Variants in NCALD observed in about 807,000 individuals in gnomAD.
NCALD encodes neurocalcin-delta.
In NCALD, 10 loss-of-function variants were observed where a neutral mutation model predicts 18.6. That is an observed-to-expected ratio of 0.54 (90% confidence interval 0.33 to 0.91). The LOEUF is 0.91. Ranked by LOEUF, NCALD falls within the 40% of genes least tolerant of loss-of-function variation. NCALD has a pLI of 0.03. For missense variants in NCALD, 184 were observed against 247.6 expected, an observed-to-expected ratio of 0.74 and a Z score of 1.72; for synonymous variants, 88 against 87.4, an observed-to-expected ratio of 1.01 and a Z score of -0.04.
intron 3 of NCALD, chr8:101,915,599 G>A (rs542295681): frequency 9.5e-4 from 144 of 152,234 alleles, no homozygotes; most frequent in Middle Eastern, 3.4e-3. Context: ...TGATAAGCAG[G>A]CAGTACCTTA....
intron 2 of NCALD, among the ~76,000 whole-genome samples, chr8:101,715,003 C>CAAAAAAAAAAAAAAAAAAAAAAAA (rs1297532566): frequency 9.7e-6 from 1 of 103,210 alleles, no homozygotes; most frequent in African/African-American, 4.2e-5. Flanking sequence ...GACTCCGTCT[C>CAAAAAAAAAAAAAAAAAAAAAAAA]AAAAAAAAAA....
chr8:101,863,686 C>T (rs371523948), intron 4 of NCALD, among the ~76,000 whole-genome samples: 4 of 152,222 alleles, frequency 2.6e-5, no homozygotes, highest in East Asian at 3.9e-4. Context: ...CCATTAAATG[C>T]TTTGAAAAAC....
At chr8:102,090,013 A>G (rs1315835335) in intron 1 of NCALD, among the ~76,000 whole-genome samples, 1 of 152,218 alleles carries the variant, frequency 6.6e-6, no homozygotes, top group Non-Finnish European at 1.5e-5. Flanking sequence ...AAAATTGGAT[A>G]GATTTGTCTA....
In NCALD at chr8:102,042,788, G is replaced by C. The variant is rs571987070; in HGVS notation, c.-209-22499C>G. ...CATGATCAGGGTGGCAAAGGGTAAG[G>C]GCAGAAAGCAGAGGGGGTTGGGGGA... On this transcript the variant is annotated intron_variant, in intron 1 of 6. Transcript: ENST00000311028. Among the ~76,000 whole-genome samples the C allele has an allele frequency of 1.9e-4, 28 of 151,278 alleles. 1 individual carries two copies. The highest frequency in any genetic ancestry group is 6.6e-4 in the African/African-American group (27 of 40,848).
rs200238602 is a variant in NCALD, at chr8:101,757,665, G to GT, written c.-20+33196dup. ...CATCACCCCAGTTCTAGATGGTAGG[G>GT]TTTTTTTTTAATATCAATTTTACCT... is the stretch of plus-strand genomic sequence containing the variant. On this transcript the variant is annotated intron_variant, in intron 1 of 3. Transcript: ENST00000220931. Among the ~76,000 whole-genome samples the GT allele has an allele frequency of 1.5e-3, 227 of 151,514 alleles. 1 individual carries two copies. The highest frequency in any genetic ancestry group is 4.2e-3 in the African/African-American group (172 of 41,308).
intron 1 of NCALD, among the ~76,000 whole-genome samples, chr8:101,738,791 T>C (rs1331911834): frequency 1.3e-5 from 2 of 152,144 alleles, no homozygotes; most frequent in Non-Finnish European, 2.9e-5. Context: ...TTTCCTCAAC[T>C]GATGCATCGG....
At chr8:101,973,662 G>C (rs188172467) in intron 2 of NCALD, among the ~76,000 whole-genome samples, 61 of 152,226 alleles carry the variant, frequency 4.0e-4, no homozygotes, top group African/African-American at 1.4e-3. Context: ...GAAAACAGAG[G>C]GGAAGAGCCA....
At chr8:101,865,331 G>A (rs553315381) in intron 4 of NCALD, among the ~76,000 whole-genome samples, 1 of 152,146 alleles carries the variant, frequency 6.6e-6, no homozygotes, top group Non-Finnish European at 1.5e-5. Context: ...TTTTCCCTGA[G>A]TTTGTGTTTA....
At chr8:101,914,640 T>C (rs549894276) in intron 3 of NCALD, among the ~76,000 whole-genome samples, 1 of 152,254 alleles carries the variant, frequency 6.6e-6, no homozygotes, top group Non-Finnish European at 1.5e-5. Context: ...TATTTTGTAC[T>C]TTAAGTGATA....
At chr8:102,062,763 AAG>A (rs1434396194) in intron 1 of NCALD, among the ~76,000 whole-genome samples, 1 of 152,210 alleles carries the variant, frequency 6.6e-6, no homozygotes, top group Non-Finnish European at 1.5e-5. Context: ...CTCCTAGAGA[AAG>A]AGAGGAGTAC....
At chr8:101,897,987 T>C (rs1817270434) in intron 3 of NCALD, among the ~76,000 whole-genome samples, 1 of 152,118 alleles carries the variant, frequency 6.6e-6, no homozygotes, top group Non-Finnish European at 1.5e-5. Flanking sequence ...GATCTGATGG[T>C]TTTGTCAGGG....
At position 101,854,586 on chromosome 8, in the gene NCALD, T is replaced by A. The variant is rs1034741828; in HGVS notation, c.-20+32555A>T. Reference sequence around the variant, plus strand: ...TTCTTTTTCTTGATGCTTTATTCCTTCTAGCATAAGACCAGAAATTGATCA... The same window carrying A: ...TTCTTTTTCTTGATGCTTTATTCCTACTAGCATAAGACCAGAAATTGATCA... On this transcript the variant is annotated intron_variant, in intron 4 of 6. Coordinates refer to the NCALD transcript ENST00000311028. Among the ~76,000 whole-genome samples the A allele has an allele frequency of 5.9e-5, 9 of 152,248 alleles. No homozygotes were observed. The East Asian group carries it at 1.7e-3, about 29-fold the overall frequency.
intron 2 of NCALD, among the ~76,000 whole-genome samples, chr8:101,703,958 G>A (rs1815391372): frequency 6.6e-6 from 1 of 152,142 alleles, no homozygotes; most frequent in African/African-American, 2.4e-5. Flanking sequence ...AAGACTGCCT[G>A]GCCCTCCCAC....
intron 4 of NCALD, among the ~76,000 whole-genome samples, chr8:101,800,265 G>A (rs1371732377): frequency 6.6e-6 from 1 of 152,084 alleles, no homozygotes; most frequent in Non-Finnish European, 1.5e-5. Flanking sequence ...AAGTAAAAGA[G>A]AGGAATAGAA....
intron 2 of NCALD, among the ~76,000 whole-genome samples, chr8:101,940,289 A>G (rs1455043310): frequency 2.0e-5 from 3 of 152,230 alleles, no homozygotes; most frequent in Admixed American, 2.0e-4. Flanking sequence ...ACTGGGTTAG[A>G]TATTGATAAG....
At chr8:101,711,646 C>T (rs914728573) in intron 2 of NCALD, among the ~76,000 whole-genome samples, 2 of 151,358 alleles carry the variant, frequency 1.3e-5, no homozygotes, top group African/African-American at 2.4e-5. Flanking sequence ...ATACCCAAAT[C>T]GATCAAGCAG....
chr8:102,024,305 A>G (rs1481039252), intron 1 of NCALD, among the ~76,000 whole-genome samples: 1 of 152,252 alleles, frequency 6.6e-6, no homozygotes, highest in Non-Finnish European at 1.5e-5. Flanking sequence ...TCAGTTGTAA[A>G]ATGCAAGTAC....
At chr8:101,750,558 T>A (rs1467595677) in intron 1 of NCALD, 1 of 152,224 alleles carries the variant, frequency 6.6e-6, no homozygotes, top group Admixed American at 6.5e-5. Context: ...CTACATGGAA[T>A]AAAATGGCAA....
intron 2 of NCALD, among the ~76,000 whole-genome samples, chr8:101,916,827 A>G (rs1036889329): frequency 6.6e-6 from 1 of 152,164 alleles, no homozygotes; most frequent in Non-Finnish European, 1.5e-5. Flanking sequence ...ATATATATGC[A>G]CCCAACATCA....
Sources: gnomAD v4.1 joint callset for allele counts (sites outside exome capture counted in the v4.1 genomes callset) on GRCh38, gnomAD v4.1.1 for gene constraint, MANE v1.5 for transcripts, NCBI Gene and HGNC (gene_info 2026-07-23, HGNC 2026-07-21) for gene names.